Variants in STEAP3 observed in about 807,000 individuals in gnomAD.
STEAP3 encodes STEAP3 metalloreductase, also known as metalloreductase STEAP3.
In STEAP3, 35 loss-of-function variants were observed where a neutral mutation model predicts 34.9. That is an observed-to-expected ratio of 1.00 (90% CI 0.76 to 1.33). STEAP3 has a LOEUF of 1.33. Among genes scored for constraint, STEAP3 ranks in the 40% most tolerant of loss-of-function variants. The pLI, the probability that STEAP3 is intolerant of heterozygous loss-of-function variation, is 0.00. For missense variants in STEAP3, 652 were observed against 667.6 expected (o/e 0.98, Z 0.26); for synonymous variants, 281 against 301.6 (o/e 0.93, Z 0.71).
intron 1 of STEAP3, among the ~76,000 whole-genome samples, chr2:119,224,721 G>A (rs1678985227): frequency 6.6e-6 from 1 of 152,184 alleles, no homozygotes; most frequent in Non-Finnish European, 1.5e-5. Context: ...CCAGAAGTGG[G>A]GATTCTGGAA....
chr2:119,225,907 T>A (rs1379535671), intron 1 of STEAP3, among the ~76,000 whole-genome samples: 1 of 152,244 alleles, frequency 6.6e-6, no homozygotes. Flanking sequence ...TGTGAAGTGC[T>A]GAGTTTTAGG....
intron 5 of STEAP3, among the ~76,000 whole-genome samples, chr2:119,259,953 C>T (rs1022694756): frequency 8.5e-5 from 13 of 152,172 alleles, no homozygotes; most frequent in Admixed American, 2.0e-4. Context: ...GGTGTGGTGA[C>T]GACAGTCTCC....
At chr2:119,242,466 G>A (rs916712811) in intron 2 of STEAP3, among the ~76,000 whole-genome samples, 3 of 152,186 alleles carry the variant, frequency 2.0e-5, no homozygotes, top group Non-Finnish European at 4.4e-5. Context: ...TGGCCTGCGA[G>A]CCCTGAGGCC....
intron 4 of STEAP3, 95 bp downstream of exon 4, chr2:119,248,301 G>C: frequency 1.4e-6 from 2 of 1,405,958 alleles, no homozygotes; most frequent in Non-Finnish European, 1.9e-6. Flanking sequence ...GATACCCACG[G>C]GTGCAGCCTT....
chr2:119,242,376 C>G (rs1429723720), intron 2 of STEAP3, among the ~76,000 whole-genome samples: 1 of 152,212 alleles, frequency 6.6e-6, no homozygotes, highest in East Asian at 1.9e-4. Flanking sequence ...CCAGCCTTGA[C>G]TGACCACAAG....
Position 119,256,348 on chromosome 2 carries a change from G to T in STEAP3, c.1215+1500G>T, listed in dbSNP as rs1677773858. On this transcript the variant is annotated intron_variant, in intron 5 of 5. Coordinates refer to ENST00000393110, the MANE Select transcript of STEAP3 (RefSeq NM_182915.3). ...ACATGTTAGCATACGAGAAGGGGAAGAATTTTATTTATCTGCCACTAATCC... is the reference window on the plus strand; with the variant it reads ...ACATGTTAGCATACGAGAAGGGGAATAATTTTATTTATCTGCCACTAATCC... 2.0e-5 allele frequency among the ~76,000 whole-genome samples: 3 copies of T among 152,116 alleles called. No individual in the cohort carries two copies. The South Asian group carries it at 6.2e-4, about 32-fold the overall frequency.
At chr2:119,262,823 C>A (rs1677981142) in intron 5 of STEAP3, among the ~76,000 whole-genome samples, 1 of 152,208 alleles carries the variant, frequency 6.6e-6, no homozygotes, top group Non-Finnish European at 1.5e-5. Context: ...TCCTTAGACA[C>A]CTTCAGCATA....
chr2:119,261,529 C>T (rs763199816), intron 5 of STEAP3, among the ~76,000 whole-genome samples: 4 of 152,152 alleles, frequency 2.6e-5, no homozygotes, highest in East Asian at 3.9e-4. Flanking sequence ...ACGACTCCCT[C>T]GCTCTCGGTG....
Position 119,256,242 on chromosome 2 carries a change from G to A in STEAP3, c.1215+1394G>A, listed in dbSNP as rs192238141. On this transcript the variant is annotated intron_variant, in intron 5 of 5. Transcript: ENST00000393110. Reference sequence around the variant, plus strand: ...GAACAACACAGAGTTGTAGCCGTGTGTTTTTTAAAGTGTGTCTGCCTCTGA... The same window carrying A: ...GAACAACACAGAGTTGTAGCCGTGTATTTTTTAAAGTGTGTCTGCCTCTGA... Among the ~76,000 whole-genome samples, 406 of 152,332 alleles carry A rather than the reference G, an allele frequency of 2.7e-3. 1 individual carries two copies. The highest frequency in any genetic ancestry group is 4.2e-3 in the Non-Finnish European group (285 of 68,034).
chr2:119,234,823 G>T lies in STEAP3; in HGVS notation c.22+3789G>T, dbSNP rs1963247. On this transcript the variant is annotated intron_variant, in intron 2 of 5. Transcript: ENST00000393110. ...CCTAGGGCTTGAGCATGCCCCACCC[G>T]CCTCCGCTGCTTCAAGCCCCTGGCC... Among the ~76,000 whole-genome samples, 1,491 of 152,290 alleles carry T rather than the reference G, an allele frequency of 9.8e-3. 24 individuals carry two copies. The highest frequency in any genetic ancestry group is 0.034 in the African/African-American group (1,406 of 41,554).
chr2:119,229,850 G>A (rs912135662), intron 1 of STEAP3, among the ~76,000 whole-genome samples: 3 of 152,142 alleles, frequency 2.0e-5, no homozygotes, highest in African/African-American at 7.2e-5. Context: ...GGTAGTGGAA[G>A]TCAGTCCCTG....
At position 119,263,419 on chromosome 2, in the gene STEAP3, C is replaced by T. The variant is rs983616892; in HGVS notation, c.*81C>T. On this transcript the variant is annotated 3_prime_UTR_variant, in exon 6 of 6. Transcript: ENST00000393110. ...GTTAGGTTTTCTTTTCTTGGTGGTGCAAAGTGGTATAACTGTGTGCAAATA... is the reference window on the plus strand; with the variant it reads ...GTTAGGTTTTCTTTTCTTGGTGGTGTAAAGTGGTATAACTGTGTGCAAATA... 6.5e-7 allele frequency: 1 copy of T among 1,540,220 alleles called. No individual in the cohort carries two copies. The highest frequency in any genetic ancestry group is 8.7e-7 in the Non-Finnish European group (1 of 1,143,580).
At chr2:119,229,864 A>ACAGGCCTGTGTTAGACTC (rs6146900) in intron 1 of STEAP3, among the ~76,000 whole-genome samples, 11,632 of 151,766 alleles carry the variant, frequency 0.077, 658 homozygotes, top group African/African-American at 0.15. Flanking sequence ...GTCCCTGCCT[A>ACAGGCCTGTGTTAGACTC]CAGGCCTGTG....
chr2:119,230,391 A>G (rs1199270439), intron 1 of STEAP3, among the ~76,000 whole-genome samples: 2 of 152,016 alleles, frequency 1.3e-5, no homozygotes, highest in Admixed American at 6.5e-5. Flanking sequence ...CTTTCTCCCC[A>G]CTGTGAGCAC....
In STEAP3 at chr2:119,256,124, G is replaced by C. The variant is rs187003373; in HGVS notation, c.1215+1276G>C. ...CTATCAACAGAAATCTGTGCAGGGA[G>C]GACGTGGTACAGGACTCAGGGACAG... On this transcript the variant is annotated intron_variant, in intron 5 of 5. Transcript: ENST00000393110. 4.3e-4 allele frequency among the ~76,000 whole-genome samples: 66 copies of C among 152,342 alleles called. No individual in the cohort carries two copies. The Middle Eastern group carries it at 0.01, about 24-fold the overall frequency.
intron 3 of STEAP3, 38 bp downstream of exon 3, chr2:119,246,026 A>T: frequency 6.3e-7 from 1 of 1,575,950 alleles, no homozygotes; most frequent in Non-Finnish European, 8.6e-7. Flanking sequence ...GTAACAATAA[A>T]TATAAATGGC....
chr2:119,246,258 A>C (rs1677423930), intron 3 of STEAP3: 1 of 440,368 alleles, frequency 2.3e-6, no homozygotes, highest in East Asian at 4.2e-5. Context: ...CCTAGAGGGC[A>C]AGGAGGAAAA....
chr2:119,238,618 C>T (rs141308180), intron 2 of STEAP3, among the ~76,000 whole-genome samples: 4 of 152,284 alleles, frequency 2.6e-5, no homozygotes, highest in South Asian at 4.1e-4. Flanking sequence ...CTTTCGATTT[C>T]GTCAGCAGCG....
intron 2 of STEAP3, chr2:119,239,564 T>A (rs541764181): frequency 6.6e-6 from 1 of 152,436 alleles, no homozygotes; most frequent in South Asian, 2.1e-4. Flanking sequence ...CCCAGGGACA[T>A]GCACTGTTGA....
Sources: allele counts gnomAD v4.1 joint callset (sites outside exome capture counted in the v4.1 genomes callset), GRCh38; gene constraint gnomAD v4.1.1; transcripts MANE v1.5; gene names NCBI Gene and HGNC (gene_info 2026-07-23, HGNC 2026-07-21).